The following CACNA2D3 variants were observed in gnomAD, a reference collection of about 807,000 sequenced individuals.
CACNA2D3 encodes calcium voltage-gated channel auxiliary subunit alpha2delta 3, also known as voltage-dependent calcium channel subunit alpha-2/delta-3.
In CACNA2D3, 60 loss-of-function variants were observed where a neutral mutation model predicts 160.6. The ratio of observed to expected loss-of-function variants is 0.37; its 90% CI spans 0.30 to 0.46. The LOEUF is 0.46. CACNA2D3 is among the 20% of genes least tolerant of loss of function. The probability of loss-of-function intolerance (pLI) is 1.00; values close to 1 mark genes in which losing one functional copy is unlikely to be tolerated. For missense variants in CACNA2D3, 1,205 were observed against 1,365.0 expected (o/e 0.88, Z 1.85); for synonymous variants, 558 against 492.9 (o/e 1.13, Z -1.75).
rs150102887 is a variant in CACNA2D3, at chr3:54,610,750, C to A, written c.964-17037C>A. 6.6e-5 allele frequency among the ~76,000 whole-genome samples: 10 copies of A among 152,264 alleles called. 1 individual carries two copies. Among genetic ancestry groups the A allele is most frequent in the African/African-American group, 2.4e-4 (10 of 41,552 alleles). The stretch of plus-strand genomic sequence containing the variant: ...ATTCAAGTGATTCTTCTGCCTCAGC[C>A]TCCCAAGTAGCTGGTATTACAGACA... On this transcript the variant is annotated intron_variant, in intron 9 of 37. Coordinates refer to ENST00000474759, the MANE Select transcript of CACNA2D3 (RefSeq NM_018398.3).
At chr3:54,415,133 A>T (rs768213247) in intron 4 of CACNA2D3, among the ~76,000 whole-genome samples, 1 of 152,134 alleles carries the variant, frequency 6.6e-6, no homozygotes, top group Non-Finnish European at 1.5e-5. Flanking sequence ...CCCACAGTAC[A>T]TTTCCATAAA....
chr3:54,752,837 GTT>G (rs34310780), intron 12 of CACNA2D3, among the ~76,000 whole-genome samples, 160 bp downstream of exon 12: 4 of 144,246 alleles, frequency 2.8e-5, no homozygotes, highest in African/African-American at 5.2e-5. Flanking sequence ...TCCAAATTAT[GTT>G]TTTTTTTTTT....
chr3:55,057,679 A>G (rs1283251125), intron 35 of CACNA2D3, among the ~76,000 whole-genome samples: 2 of 152,200 alleles, frequency 1.3e-5, no homozygotes, highest in Non-Finnish European at 2.9e-5. Context: ...CATTAATTTA[A>G]TTTCACAATG....
intron 2 of CACNA2D3, among the ~76,000 whole-genome samples, chr3:54,230,777 G>A (rs1701753975): frequency 6.6e-6 from 1 of 152,158 alleles, no homozygotes; most frequent in East Asian, 1.9e-4. Context: ...TTTTATATAG[G>A]TAGATGTAGA....
At chr3:54,810,193 A>T (rs145409568) in intron 13 of CACNA2D3, among the ~76,000 whole-genome samples, 2 of 152,332 alleles carry the variant, frequency 1.3e-5, no homozygotes, top group African/African-American at 4.8e-5. Flanking sequence ...TGAAATTTGA[A>T]GCACAGGCTG....
chr3:54,839,295 C>T (rs1267332176), intron 16 of CACNA2D3, among the ~76,000 whole-genome samples: 2 of 152,108 alleles, frequency 1.3e-5, no homozygotes, highest in East Asian at 3.9e-4. Flanking sequence ...AGTTCTTAGA[C>T]CCCATCCAGA....
At chr3:54,968,919 ACTT>A (rs764557213) in intron 28 of CACNA2D3, among the ~76,000 whole-genome samples, 15 of 152,046 alleles carry the variant, frequency 9.9e-5, no homozygotes, top group Non-Finnish European at 2.1e-4. Flanking sequence ...CATGTATCTG[ACTT>A]CTTTGTTCAC....
chr3:54,811,323 T>C (rs1187053967), intron 13 of CACNA2D3, among the ~76,000 whole-genome samples: 1 of 152,154 alleles, frequency 6.6e-6, no homozygotes, highest in East Asian at 1.9e-4. Context: ...TTTGCATTTA[T>C]CAAGGACCAA....
chr3:54,667,414 A>G (rs186805754), intron 11 of CACNA2D3, among the ~76,000 whole-genome samples: 2 of 152,306 alleles, frequency 1.3e-5, no homozygotes, highest in East Asian at 3.9e-4. Flanking sequence ...TGGCAAGAAG[A>G]AGGTCAGATG....
intron 9 of CACNA2D3, among the ~76,000 whole-genome samples, chr3:54,584,719 A>T (rs1702731518): frequency 6.6e-6 from 1 of 152,230 alleles, no homozygotes; most frequent in Admixed American, 6.5e-5. Flanking sequence ...ATGTAAATCC[A>T]TGCCAAGACA....
At chr3:54,751,092 C>T (rs554217884) in intron 11 of CACNA2D3, among the ~76,000 whole-genome samples, 1 of 151,962 alleles carries the variant, frequency 6.6e-6, no homozygotes, top group Admixed American at 6.6e-5. Flanking sequence ...TCTTTTCCCC[C>T]CAAGAGAAGC....
chr3:54,358,683 C>T (rs889391243), intron 3 of CACNA2D3, among the ~76,000 whole-genome samples: 7 of 152,176 alleles, frequency 4.6e-5, no homozygotes, highest in African/African-American at 7.2e-5. Context: ...GTTGTTCTCT[C>T]CAGCCCTGGA....
chr3:54,400,978 T>A (rs1412823275), intron 4 of CACNA2D3, among the ~76,000 whole-genome samples: 1 of 152,026 alleles, frequency 6.6e-6, no homozygotes, highest in Admixed American at 6.6e-5. Flanking sequence ...TGAGATAAGA[T>A]AGGCAATTCA....
chr3:54,495,397 A>G lies in CACNA2D3; in HGVS notation c.382-8095A>G, dbSNP rs1234337508. ...ATGGAAAAATGCGCAGTTCTTTAGC[A>G]TACAATTCAATGAGTACTGACAAAT... On this transcript the variant is annotated intron_variant, in intron 4 of 37. Coordinates refer to ENST00000474759, the MANE Select transcript of CACNA2D3 (RefSeq NM_018398.3). Among the ~76,000 whole-genome samples the G allele has an allele frequency of 2.6e-5, 4 of 152,192 alleles. No individual in the cohort carries two copies. The South Asian group carries it at 8.3e-4, about 31-fold the overall frequency.
chr3:54,439,555 C>A (rs532475124), intron 4 of CACNA2D3, among the ~76,000 whole-genome samples: 12 of 152,128 alleles, frequency 7.9e-5, no homozygotes, highest in South Asian at 6.2e-4. Flanking sequence ...CTTTTTGAGG[C>A]CAGTGCTGGC....
Position 54,969,261 on chromosome 3 carries a change from A to ATTTTTTTTTTTTTTTTTTTTTTTTTT in CACNA2D3, c.2512-539_2512-538insTTTTTTTTTTTTTTTTTTTTTTTTTT, listed in dbSNP as rs139722160. ...ACTGTTTAATGACAACATAAAGTAG[A>ATTTTTTTTTTTTTTTTTTTTTTTTTT]CTTTTTTTTTTTTTTTTTGAGATAG... On this transcript the variant is annotated intron_variant, in intron 28 of 37. Transcript: ENST00000474759. Among the ~76,000 whole-genome samples, 5 of 127,796 alleles carry ATTTTTTTTTTTTTTTTTTTTTTTTTT rather than the reference A, an allele frequency of 3.9e-5. 1 individual carries two copies. Among genetic ancestry groups the ATTTTTTTTTTTTTTTTTTTTTTTTTT allele is most frequent in the African/African-American group, 1.1e-4 (4 of 36,146 alleles). 83.8% of individuals were successfully genotyped at this position (127,796 alleles called of 152,430 possible).
chr3:54,806,390 G>A (rs1404362101), intron 13 of CACNA2D3, among the ~76,000 whole-genome samples: 2 of 152,128 alleles, frequency 1.3e-5, no homozygotes, highest in Admixed American at 6.5e-5. Flanking sequence ...AAAATCACAA[G>A]CATTCTTATA....
At chr3:54,763,717 A>G (rs1234028426) in intron 12 of CACNA2D3, among the ~76,000 whole-genome samples, 1 of 115,732 alleles carries the variant, frequency 8.6e-6, no homozygotes, top group Non-Finnish European at 2.0e-5. Context: ...ATATATATGT[A>G]CATATATACA....
chr3:54,537,093 CAGAG>C lies in CACNA2D3; in HGVS notation c.545-25681_545-25678del, dbSNP rs35469509. On this transcript the variant is annotated intron_variant, in intron 5 of 37. Transcript: ENST00000474759. ...CTTTTTACAGATAAGGAAACCAAGG[CAGAG>C]AGAGAGAGAGAGAGAGAGAGAGAGA... Among the ~76,000 whole-genome samples, 702 of 147,514 alleles carry C rather than the reference CAGAG, an allele frequency of 4.8e-3. 1 individual carries two copies. The highest frequency in any genetic ancestry group is 7.1e-3 in the Middle Eastern group (2 of 280).
Sources: gnomAD v4.1 joint callset for allele counts (sites outside exome capture counted in the v4.1 genomes callset) on GRCh38, gnomAD v4.1.1 for gene constraint, MANE v1.5 for transcripts, NCBI Gene and HGNC (gene_info 2026-07-23, HGNC 2026-07-21) for gene names.